The following TCTN2 variants were observed in gnomAD, a reference collection of about 807,000 sequenced individuals.
The protein encoded by TCTN2 is tectonic-2.
A neutral mutation model predicts 83.4 loss-of-function variants in TCTN2; 66 were observed. That is an observed-to-expected ratio of 0.79 (90% CI 0.65 to 0.97). The LOEUF is 0.97. Among genes scored for constraint, TCTN2 ranks in the 50% least tolerant of loss-of-function variants. The probability of loss-of-function intolerance (pLI) is 0.00; values close to 1 mark genes in which losing one functional copy is unlikely to be tolerated. For missense variants in TCTN2, 794 were observed against 858.1 expected, an observed-to-expected ratio of 0.93 and a Z score of 0.93; for synonymous variants, 301 against 326.7, an observed-to-expected ratio of 0.92 and a Z score of 0.85.
At chr12:123,675,320 C>T (rs114206332) in intron 4 of TCTN2, among the ~76,000 whole-genome samples, 203 of 152,150 alleles carry the variant, frequency 1.3e-3, no homozygotes, top group African/African-American at 4.6e-3. Context: ...CTAGATGTGC[C>T]GATGTAGAGG....
At chr12:123,698,804 TG>T (rs139224785) in intron 13 of TCTN2, among the ~76,000 whole-genome samples, 6,049 of 152,022 alleles carry the variant, frequency 0.04, 205 homozygotes, top group African/African-American at 0.083. Context: ...CAGGAAGAAA[TG>T]GGGGTAACAT....
Position 123,671,164 on chromosome 12 carries a change from G to A in TCTN2, c.-77G>A. 7.2e-7 allele frequency: 1 copy of A among 1,390,428 alleles called. No individual in the cohort carries two copies. The highest frequency in any genetic ancestry group is 9.9e-7 in the Non-Finnish European group (1 of 1,006,136). The allele number at this position is 1,390,428 out of a possible 1,614,324, so 86.1% of individuals were successfully genotyped here. On this transcript the variant is annotated 5_prime_UTR_variant, in exon 1 of 18. Transcript: ENST00000303372. ...TGGCGGCGGCGGGGCAGTGGCTGCT[G>A]CGTTTTCGTGTCTGAGTCCTTCCTG...
rs544183268 is a variant in TCTN2 at position 123,686,902 on chromosome 12, G to A, written c.631G>A (p.Val211Ile). 27 of 1,614,218 alleles carry A rather than the reference G, an allele frequency of 1.7e-5. No individual in the cohort carries two copies. The African/African-American group carries it at 2.7e-4, about 16-fold the overall frequency. The change falls in exon 6 of 18, where the codon GTC (valine) becomes ATC (isoleucine). Residue 211 changes from valine (V) to isoleucine (I), a missense_variant. Val to Ile is a conservative substitution (Grantham distance 29, BLOSUM62 3). Transcript: ENST00000303372. Reference sequence around the variant, plus strand: ...CTTCACCGGCGTGTTTGGAGGAGACGTCAATCCTCCTTTTGATCAGCTCTG... The same window carrying A: ...CTTCACCGGCGTGTTTGGAGGAGACATCAATCCTCCTTTTGATCAGCTCTG... ...SCFTGVFGGDVNPPFDQLCSA... is the reference protein window; with the variant it reads ...SCFTGVFGGDINPPFDQLCSA...
chr12:123,672,123 C>A lies in TCTN2; in HGVS notation c.258C>A (p.Ile86=), dbSNP rs756139236. The part of the protein sequence containing the change: ...NETEDWSVTV[I]PGAKVLEVTV... ...CGGAAGACTGGAGCGTGACTGTGAT[C>A]CCCGGTGCGGTAAGGCCAGAAGTAA... is the stretch of plus-strand genomic sequence containing the variant. Residue 86 remains isoleucine (I), a synonymous_variant, in exon 3 of 18, where the codon ATC becomes ATA. Coordinates refer to ENST00000303372, the MANE Select transcript of TCTN2 (RefSeq NM_024809.5). The A allele has an allele frequency of 8.7e-6, 14 of 1,613,994 alleles. No individual in the cohort carries two copies. The highest frequency in any genetic ancestry group is 2.2e-5 in the East Asian group (1 of 44,892).
intron 14 of TCTN2, among the ~76,000 whole-genome samples, chr12:123,702,120 G>A (rs1956179518): frequency 6.6e-6 from 1 of 152,168 alleles, no homozygotes; most frequent in African/African-American, 2.4e-5. Flanking sequence ...CGGTTTCTTG[G>A]GGAGCCTTGA....
intron 4 of TCTN2, among the ~76,000 whole-genome samples, chr12:123,675,128 A>G (rs923347884): frequency 1.3e-5 from 2 of 152,040 alleles, no homozygotes; most frequent in Non-Finnish European, 2.9e-5. Context: ...TCCTCCCACC[A>G]TGGCTTCCTG....
intron 5 of TCTN2, among the ~76,000 whole-genome samples, chr12:123,681,221 C>T (rs1210887587): frequency 4.7e-5 from 7 of 149,362 alleles, no homozygotes; most frequent in African/African-American, 1.7e-4. Context: ...CACACCACTG[C>T]ATGTCAGCCT....
chr12:123,676,899 G>C (rs1300593290), intron 4 of TCTN2, among the ~76,000 whole-genome samples: 1 of 152,084 alleles, frequency 6.6e-6, no homozygotes, highest in Non-Finnish European at 1.5e-5. Flanking sequence ...GGCTGGGGGT[G>C]GTGGCTCATG....
intron 10 of TCTN2, 83 bp downstream of exon 10, chr12:123,695,059 C>A: frequency 6.4e-7 from 1 of 1,569,458 alleles, no homozygotes; most frequent in African/African-American, 1.4e-5. Flanking sequence ...AATTATAACC[C>A]ATAAAACTAA....
chr12:123,695,391 T>A (rs1956095924), intron 11 of TCTN2, 94 bp downstream of exon 11: 1 of 871,034 alleles, frequency 1.1e-6, no homozygotes, highest in Non-Finnish European at 1.9e-6. Flanking sequence ...TCTCTCCAAT[T>A]TAGTTTCTGA....
rs145298622 is a variant in TCTN2 at position 123,673,558 on chromosome 12, A to G, written c.268-57A>G. The G allele has an allele frequency of 1.4e-3, 2,139 of 1,545,570 alleles. 6 individuals are homozygous for G. Among genetic ancestry groups the G allele is most frequent in the Middle Eastern group, 5.4e-3 (32 of 5,954 alleles). On this transcript the variant is annotated intron_variant, in intron 3 of 17. Transcript: ENST00000303372. ...ACTTTTATTGTGTTTTCCATTATGT[A>G]TTCTTATAGACCCTGTTTTGAGTCA...
intron 12 of TCTN2, 52 bp from the exon 13 acceptor site, chr12:123,697,035 T>G: frequency 1.4e-6 from 2 of 1,421,010 alleles, no homozygotes; most frequent in Non-Finnish European, 2.0e-6. Flanking sequence ...GAAGTTAATC[T>G]TTACTTTTGT....
chr12:123,696,451 T>G lies in TCTN2; in HGVS notation c.1349T>G (p.Ile450Ser). ...QLGKPVRALN[I>S]NRMNNVTTLH... is the part of the protein sequence containing the mutation. The stretch of plus-strand genomic sequence containing the variant: ...GGCAAGCCTGTCCGAGCTCTAAATA[T>G]CAACAGGATGAATAATGTCACGACT... The change falls in exon 12 of 18, where the codon ATC becomes AGC. Residue 450 changes from isoleucine to serine, a missense_variant. Ile to Ser is a moderately radical substitution (Grantham distance 142). Transcript: ENST00000303372. 3 of 1,614,186 alleles carry G rather than the reference T, an allele frequency of 1.9e-6. No homozygotes were observed. In the South Asian group the frequency reaches 3.3e-5, roughly 18 times the overall value.
Position 123,699,706 on chromosome 12 carries a change from A to G in TCTN2, c.1508A>G (p.Glu503Gly). 6.2e-7 allele frequency: 1 copy of G among 1,613,078 alleles called. No individual in the cohort carries two copies. Among genetic ancestry groups the G allele is most frequent in the Non-Finnish European group, 8.5e-7 (1 of 1,179,082 alleles). Reference sequence around the variant, plus strand: ...AGAAATGTCTTACTCTCTTGCAGGGAGAATGCTGTTGAAAGACTTGATTCA... The same window carrying G: ...AGAAATGTCTTACTCTCTTGCAGGGGGAATGCTGTTGAAAGACTTGATTCA... Reference protein sequence around the residue: ...GINENCTQLRENAVERLDSLI... With the variant: ...GINENCTQLRGNAVERLDSLI... Residue 503 changes from glutamate (E) to glycine (G), a missense_variant and splice_region_variant, in exon 14 of 18, where the codon GAG becomes GGG. Transcript: ENST00000303372.
At chr12:123,675,492 C>T (rs1315222660) in intron 4 of TCTN2, among the ~76,000 whole-genome samples, 1 of 152,214 alleles carries the variant, frequency 6.6e-6, no homozygotes, top group Non-Finnish European at 1.5e-5. Context: ...TCCCTTATTA[C>T]ATCCCTAACT....
At chr12:123,682,724 C>T (rs111363680) in intron 5 of TCTN2, among the ~76,000 whole-genome samples, 5,627 of 151,776 alleles carry the variant, frequency 0.037, 117 homozygotes, top group Middle Eastern at 0.075. Flanking sequence ...ACAAGTGATC[C>T]GCCCGCCTCA....
Position 123,671,120 on chromosome 12 carries a change from C to T in TCTN2, c.-121C>T. On this transcript the variant is annotated 5_prime_UTR_variant, in exon 1 of 18. Transcript: ENST00000303372. ...CGCCGATTGGTGGTTGCCATAGCTC[C>T]GGGCGTTCGCTTGCAAGATGGCGGC... 1 of 971,400 alleles carries T rather than the reference C, an allele frequency of 1.0e-6. No homozygotes were observed. Among genetic ancestry groups the T allele is most frequent in the Non-Finnish European group, 1.6e-6 (1 of 631,370 alleles). 60.2% of individuals were successfully genotyped at this position (971,400 alleles called of 1,614,324 possible). A position where few individuals can be genotyped will look rare whatever the true frequency, so the allele number is the denominator to read the frequency against.
At chr12:123,676,225 A>G (rs2135819443) in intron 4 of TCTN2, among the ~76,000 whole-genome samples, 1 of 152,160 alleles carries the variant, frequency 6.6e-6, no homozygotes, top group Non-Finnish European at 1.5e-5. Context: ...GGCTGCAGTG[A>G]GCCAGGATTG....
At chr12:123,681,171 C>T (rs574464964) in intron 5 of TCTN2, among the ~76,000 whole-genome samples, 13 of 151,650 alleles carry the variant, frequency 8.6e-5, no homozygotes, top group East Asian at 3.9e-4. Context: ...CTGAGAGGAT[C>T]GCTTGAGCCC....
Sources: gnomAD v4.1 joint callset for allele counts (sites outside exome capture counted in the v4.1 genomes callset) on GRCh38, gnomAD v4.1.1 for gene constraint, MANE v1.5 for transcripts, NCBI Gene and HGNC (gene_info 2026-07-23, HGNC 2026-07-21) for gene names.